Variants in ZFAND3 observed in about 807,000 individuals in gnomAD.
ZFAND3 encodes the protein zinc finger AN1-type containing 3.
ZFAND3 carries 10 observed loss-of-function variants against 29.6 expected under a neutral mutation model. The observed-to-expected ratio is 0.34, with a 90% CI of 0.21 to 0.57. The LOEUF is 0.57. ZFAND3 is among the 20% of genes least tolerant of loss of function. The probability of loss-of-function intolerance (pLI) is 0.86; values close to 1 mark genes in which losing one functional copy is unlikely to be tolerated. For synonymous variants in ZFAND3, 128 were observed against 112.6 expected, an observed-to-expected ratio of 1.14 and a Z score of -0.87; for missense variants, 230 against 304.5, an observed-to-expected ratio of 0.76 and a Z score of 1.82.
At chr6:38,144,211 A>AATATATTATATATAT (rs1766045332) in intron 5 of ZFAND3, among the ~76,000 whole-genome samples, 16 of 45,854 alleles carry the variant, frequency 3.5e-4, no homozygotes, top group African/African-American at 1.7e-3. Flanking sequence ...ATATATATAT[A>AATATATTATATATAT]ATATATAATA....
At chr6:37,941,904 T>C (rs1343384436) in intron 2 of ZFAND3, among the ~76,000 whole-genome samples, 1 of 152,226 alleles carries the variant, frequency 6.6e-6, no homozygotes. Flanking sequence ...GTGTATTTGC[T>C]CATTTGGAAA....
At chr6:37,869,513 A>T (rs1160821264) in intron 1 of ZFAND3, among the ~76,000 whole-genome samples, 7 of 141,358 alleles carry the variant, frequency 5.0e-5, no homozygotes, top group Non-Finnish European at 9.3e-5. Flanking sequence ...AAGTTTGTTA[A>T]TTTTTTTTTT....
intron 2 of ZFAND3, among the ~76,000 whole-genome samples, chr6:38,053,557 A>C (rs974702267): frequency 1.3e-5 from 2 of 152,092 alleles, no homozygotes; most frequent in Non-Finnish European, 2.9e-5. Context: ...GGTGTTGCAC[A>C]CTGGTAGTTG....
chr6:38,096,388 A>G (rs1016203188), intron 4 of ZFAND3, among the ~76,000 whole-genome samples: 7 of 151,952 alleles, frequency 4.6e-5, no homozygotes, highest in Non-Finnish European at 1.0e-4. Flanking sequence ...GGCCAGGCTG[A>G]TCTCGAACTC....
intron 1 of ZFAND3, among the ~76,000 whole-genome samples, chr6:37,892,633 AAT>A (rs1212494993): frequency 6.6e-6 from 1 of 152,198 alleles, no homozygotes; most frequent in Non-Finnish European, 1.5e-5. Context: ...ATTAATAGAG[AAT>A]AGAAAAATAA....
chr6:38,016,561 T>A (rs371175104), intron 2 of ZFAND3, among the ~76,000 whole-genome samples: 1 of 152,226 alleles, frequency 6.6e-6, no homozygotes, highest in African/African-American at 2.4e-5. Flanking sequence ...TGGATAAGCT[T>A]GCTTTTTAAA....
At chr6:37,942,284 T>C (rs1478707641) in intron 2 of ZFAND3, among the ~76,000 whole-genome samples, 1 of 133,718 alleles carries the variant, frequency 7.5e-6, no homozygotes, top group Non-Finnish European at 1.7e-5. Flanking sequence ...TTTTTTTCTT[T>C]GAAAAGAAGG....
chr6:37,850,062 C>T (rs1380308379), intron 1 of ZFAND3, among the ~76,000 whole-genome samples: 1 of 152,182 alleles, frequency 6.6e-6, no homozygotes, highest in Non-Finnish European at 1.5e-5. Context: ...TTAGTGAGAA[C>T]ATTCCATTCA....
chr6:38,033,115 G>A (rs1763592752), intron 2 of ZFAND3, among the ~76,000 whole-genome samples: 1 of 152,256 alleles, frequency 6.6e-6, no homozygotes, highest in African/African-American at 2.4e-5. Context: ...AACCAAAATG[G>A]CTGCAAGTAA....
chr6:38,045,384 C>T (rs368958800), intron 2 of ZFAND3, among the ~76,000 whole-genome samples: 3 of 152,052 alleles, frequency 2.0e-5, no homozygotes, highest in East Asian at 1.9e-4. Flanking sequence ...CCACTGTGCC[C>T]GGCCATTCCT....
At chr6:37,922,210 G>C (rs1310297398) in intron 1 of ZFAND3, among the ~76,000 whole-genome samples, 2 of 151,928 alleles carry the variant, frequency 1.3e-5, no homozygotes, top group Non-Finnish European at 2.9e-5. Flanking sequence ...CTCCTTCTCA[G>C]AATCAGTCTT....
rs539776964 is a variant in ZFAND3, at chr6:38,031,768, C to A, written c.113-29825C>A. The stretch of plus-strand genomic sequence containing the variant: ...GAGTACCCACGTAGCCATTTTAATA[C>A]CTTTTAATGTATCTCCTTTGTTATG... On this transcript the variant is annotated intron_variant, in intron 2 of 5. Coordinates refer to ENST00000287218, the MANE Select transcript of ZFAND3 (RefSeq NM_021943.3). Among the ~76,000 whole-genome samples, 4 of 152,244 alleles carry A rather than the reference C, an allele frequency of 2.6e-5. No individual in the cohort carries two copies. The South Asian group carries it at 8.3e-4, about 32-fold the overall frequency.
At chr6:38,077,552 G>C (rs1208351116) in intron 3 of ZFAND3, among the ~76,000 whole-genome samples, 1 of 152,140 alleles carries the variant, frequency 6.6e-6, no homozygotes, top group African/African-American at 2.4e-5. Context: ...TTTGATTATT[G>C]TGCTTCTGGC....
chr6:38,092,764 T>A (rs1370927664), intron 4 of ZFAND3, among the ~76,000 whole-genome samples: 1 of 152,200 alleles, frequency 6.6e-6, no homozygotes, highest in African/African-American at 2.4e-5. Flanking sequence ...TAATGAGACC[T>A]TTGAGATAGG....
At chr6:38,009,110 A>G (rs936513332) in intron 2 of ZFAND3, among the ~76,000 whole-genome samples, 1 of 152,242 alleles carries the variant, frequency 6.6e-6, no homozygotes, top group Non-Finnish European at 1.5e-5. Flanking sequence ...AGACCTGAGC[A>G]GAGGGAATCT....
intron 1 of ZFAND3, among the ~76,000 whole-genome samples, chr6:37,924,312 C>CTTTTTTTTTTTTTTTT (rs34276814): frequency 7.9e-6 from 1 of 127,288 alleles, no homozygotes; most frequent in Non-Finnish European, 1.6e-5. Flanking sequence ...TACTTAAGTG[C>CTTTTTTTTTTTTTTTT]TTTTTTTTTT....
At chr6:37,963,223 C>A (rs1762230237) in intron 2 of ZFAND3, among the ~76,000 whole-genome samples, 1 of 152,102 alleles carries the variant, frequency 6.6e-6, no homozygotes, top group Non-Finnish European at 1.5e-5. Flanking sequence ...GTAGATTTAA[C>A]CCAAAGAAGA....
chr6:37,946,249 T>C (rs988363137), intron 2 of ZFAND3, among the ~76,000 whole-genome samples: 1 of 152,224 alleles, frequency 6.6e-6, no homozygotes, highest in Non-Finnish European at 1.5e-5. Context: ...CTGATCTCTA[T>C]GTGACTGAAT....
chr6:38,115,800 G>A (rs368566009), intron 4 of ZFAND3, among the ~76,000 whole-genome samples: 134 of 152,244 alleles, frequency 8.8e-4, no homozygotes, highest in Non-Finnish European at 1.6e-3. Context: ...GCTTTGTTGC[G>A]TCTTAATTAC....
Sources: allele counts gnomAD v4.1 joint callset (sites outside exome capture counted in the v4.1 genomes callset), GRCh38; gene constraint gnomAD v4.1.1; transcripts MANE v1.5; gene names NCBI Gene and HGNC (gene_info 2026-07-23, HGNC 2026-07-21).